The following TMEM131 variants were observed in gnomAD, a reference collection of about 807,000 sequenced individuals.
TMEM131 encodes transmembrane protein 131, also known as 2610524E03Rik.
TMEM131 carries 66 observed loss-of-function variants against 211.6 expected under a neutral mutation model. The observed-to-expected ratio is 0.31, with a 90% confidence interval of 0.26 to 0.38. The LOEUF (loss-of-function observed/expected upper bound fraction) is 0.38. TMEM131 is among the 10% of genes least tolerant of loss of function. The pLI is 1.00. For synonymous variants in TMEM131, 844 were observed against 841.3 expected (o/e 1.00, Z -0.06); for missense variants, 2,036 against 2,299.3 (o/e 0.89, Z 2.34).
chr2:97,958,044 G>C (rs1241023649), intron 1 of TMEM131, among the ~76,000 whole-genome samples: 1 of 152,168 alleles, frequency 6.6e-6, no homozygotes, highest in African/African-American at 2.4e-5. Context: ...AGGTGAACAC[G>C]GAGGTTAAGG....
intron 5 of TMEM131, among the ~76,000 whole-genome samples, chr2:97,847,055 T>C: frequency 1.2e-5 from 1 of 83,392 alleles, no homozygotes; most frequent in Non-Finnish European, 2.4e-5. Context: ...GGCGCGTGCC[T>C]GTAGTCCCAG....
intron 31 of TMEM131, among the ~76,000 whole-genome samples, chr2:97,777,681 C>G (rs1268283468): frequency 1.3e-5 from 2 of 152,182 alleles, no homozygotes; most frequent in Non-Finnish European, 2.9e-5. Flanking sequence ...AGTGTTAGAT[C>G]TGAAACCATA....
At chr2:97,908,243 G>A (rs1676151624) in intron 3 of TMEM131, among the ~76,000 whole-genome samples, 1 of 152,136 alleles carries the variant, frequency 6.6e-6, no homozygotes, top group African/African-American at 2.4e-5. Flanking sequence ...TTTAAAAGCG[G>A]TCTCTCCAAG....
chr2:97,807,928 G>T (rs1000127638), intron 19 of TMEM131, among the ~76,000 whole-genome samples: 2 of 152,154 alleles, frequency 1.3e-5, no homozygotes, highest in African/African-American at 4.8e-5. Context: ...GTAATTCAAA[G>T]TTTGTATTTT....
intron 1 of TMEM131, among the ~76,000 whole-genome samples, chr2:97,943,023 AAAGAAAAGAAAAGAAAAGAAAGAAAG>A (rs1677838661): frequency 2.2e-5 from 1 of 45,816 alleles, no homozygotes; most frequent in Non-Finnish European, 4.5e-5. Flanking sequence ...AAAGAAAAGA[AAAGAAAAGAAAAGAAAAGAAAGAAAG>A]AAAGAAAGAA....
At chr2:97,983,263 G>A (rs889452791) in intron 1 of TMEM131, among the ~76,000 whole-genome samples, 1 of 152,168 alleles carries the variant, frequency 6.6e-6, no homozygotes, top group Admixed American at 6.5e-5. Context: ...AACTGCTGTA[G>A]TGACAGTCTC....
At chr2:97,773,156 G>A (rs1679544660) in intron 32 of TMEM131, among the ~76,000 whole-genome samples, 1 of 152,192 alleles carries the variant, frequency 6.6e-6, no homozygotes, top group Non-Finnish European at 1.5e-5. Context: ...AGAGCAGTGC[G>A]GCAGCCAAAG....
intron 12 of TMEM131, 85 bp from the exon 13 acceptor site, chr2:97,815,392 A>T: frequency 2.7e-6 from 2 of 740,988 alleles, no homozygotes; most frequent in Non-Finnish European, 2.0e-6. Context: ...CAAAATCTTA[A>T]AAAAAAAAAA....
intron 5 of TMEM131, among the ~76,000 whole-genome samples, chr2:97,846,786 C>A (rs917929746): frequency 1.3e-5 from 2 of 152,202 alleles, no homozygotes; most frequent in Admixed American, 1.3e-4. Flanking sequence ...GCCCTAGGAG[C>A]TACCACAGCA....
At chr2:97,757,862 T>G (rs1001016428) in intron 40 of TMEM131, among the ~76,000 whole-genome samples, 3 of 152,208 alleles carry the variant, frequency 2.0e-5, no homozygotes, top group Non-Finnish European at 4.4e-5. Context: ...TATCTGACTC[T>G]TTATAGAAAG....
chr2:97,995,595 G>T lies in TMEM131; in HGVS notation c.68C>A (p.Ala23Asp). 1 of 1,263,976 alleles carries T rather than the reference G, an allele frequency of 7.9e-7. No homozygotes were observed. The highest frequency in any genetic ancestry group is 2.9e-5 in the South Asian group (1 of 34,158). 78.3% of individuals were successfully genotyped at this position (1,263,976 alleles called of 1,614,324 possible). A position where few individuals can be genotyped will look rare whatever the true frequency, so the allele number is the denominator to read the frequency against. The change falls in exon 1 of 41, where the codon GCC (alanine) becomes GAC (aspartate). Residue 23 changes from alanine (A) to aspartate (D), a missense_variant. Physicochemically the swap from Ala to Asp is moderately radical, Grantham distance 126. This residue lies in a region of TMEM131 where 136 missense variants were observed against 115.4 expected (regional missense o/e 1.18). Coordinates refer to ENST00000186436, the MANE Select transcript of TMEM131 (RefSeq NM_015348.2). ...ACGGGCGGCCGCAGGTTCCAGCCCG[G>T]CCCCGGCGGACGTGGAGACGGCGGC... ...TTAAVSTSAG[A>D]GLEPAAARSG...
chr2:97,995,501 C>T lies in TMEM131; in HGVS notation c.162G>A (p.Val54=). The T allele has an allele frequency of 7.1e-7, 1 of 1,413,410 alleles. No individual in the cohort carries two copies. Among genetic ancestry groups the T allele is most frequent in the Non-Finnish European group, 9.3e-7 (1 of 1,078,106 alleles). The allele number at this position is 1,413,410 out of a possible 1,614,324, so 87.6% of individuals were successfully genotyped here. The change falls in exon 1 of 41, where the codon GTG becomes GTA. Residue 54 remains valine (V), a synonymous_variant. Transcript: ENST00000186436. The part of the protein sequence containing the change: ...GALHLVMTLV[V]AAARAEKEAF... ...CTTCCTTCTCGGCCCGCGCCGCAGC[C>T]ACTACGAGGGTCATCACCAGGTGCA...
intron 1 of TMEM131, among the ~76,000 whole-genome samples, chr2:97,969,585 C>T (rs954138937): frequency 2.6e-5 from 4 of 152,154 alleles, no homozygotes; most frequent in Admixed American, 6.5e-5. Flanking sequence ...ATTTGTCTTC[C>T]CAGGCTACTA....
chr2:97,942,492 CA>C (rs199817985), intron 1 of TMEM131, among the ~76,000 whole-genome samples: 1 of 69,632 alleles, frequency 1.4e-5, no homozygotes, highest in East Asian at 2.3e-4. Context: ...AAAAAAAATA[CA>C]AAAAAAAAGA....
Position 97,814,226 on chromosome 2 carries a change from T to C in TMEM131, c.1446+9A>G. On this transcript the variant is annotated intron_variant, in intron 14 of 40. Transcript: ENST00000186436. ...GGAAAATTAAAAGTATGAGGGCTCC[T>C]GGACATACTTTAAACATTGTTTTGG... 1.2e-6 allele frequency: 2 copies of C among 1,613,456 alleles called. No homozygotes were observed. The highest frequency in any genetic ancestry group is 1.7e-6 in the Non-Finnish European group (2 of 1,179,548).
chr2:97,972,475 G>T (rs1233364842), intron 1 of TMEM131, among the ~76,000 whole-genome samples: 1 of 148,198 alleles, frequency 6.7e-6, no homozygotes, highest in Non-Finnish European at 1.5e-5. Flanking sequence ...AAGGCGGGCG[G>T]GAGGGAGGGA....
At chr2:97,896,276 T>C (rs1247133376) in intron 3 of TMEM131, among the ~76,000 whole-genome samples, 1 of 152,214 alleles carries the variant, frequency 6.6e-6, no homozygotes, top group African/African-American at 2.4e-5. Flanking sequence ...GTGTTTTCCT[T>C]CCAATTATGT....
At chr2:97,949,331 CAGA>C (rs955412949) in intron 1 of TMEM131, among the ~76,000 whole-genome samples, 15 of 152,068 alleles carry the variant, frequency 9.9e-5, no homozygotes, top group African/African-American at 3.4e-4. Flanking sequence ...TGACAGAAAG[CAGA>C]AGAACTGTCG....
intron 31 of TMEM131, among the ~76,000 whole-genome samples, chr2:97,781,766 T>C (rs557427770): frequency 6.6e-6 from 1 of 152,126 alleles, no homozygotes; most frequent in Non-Finnish European, 1.5e-5. Flanking sequence ...AGGAAAGGCA[T>C]GATAGTAAGA....
Sources: allele counts gnomAD v4.1 joint callset (sites outside exome capture counted in the v4.1 genomes callset), GRCh38; gene constraint gnomAD v4.1.1; regional missense constraint gnomAD v4.1.1; transcripts MANE v1.5; gene names NCBI Gene and HGNC (gene_info 2026-07-23, HGNC 2026-07-21).